The following CHCHD3 variants were observed in gnomAD, a reference collection of about 807,000 sequenced individuals.
The protein encoded by CHCHD3 is MICOS complex subunit MIC19.
A neutral mutation model predicts 38.2 loss-of-function variants in CHCHD3; 20 were observed. The observed-to-expected ratio is 0.52, with a 90% CI of 0.37 to 0.76. The LOEUF (loss-of-function observed/expected upper bound fraction) is 0.76. CHCHD3 is among the 30% of genes least tolerant of loss of function. The pLI is 0.00. For missense variants in CHCHD3, 245 were observed against 279.2 expected, an observed-to-expected ratio of 0.88 and a Z score of 0.87; for synonymous variants, 82 against 100.0, an observed-to-expected ratio of 0.82 and a Z score of 1.07.
At chr7:132,895,570 G>C (rs565121454) in intron 4 of CHCHD3, among the ~76,000 whole-genome samples, 1 of 152,338 alleles carries the variant, frequency 6.6e-6, no homozygotes, top group African/African-American at 2.4e-5. Context: ...TGTCATGCAC[G>C]GGACCCACTG....
chr7:132,964,557 A>G (rs1811408866), intron 4 of CHCHD3, among the ~76,000 whole-genome samples: 1 of 152,152 alleles, frequency 6.6e-6, no homozygotes. Context: ...ACTCCAGCCT[A>G]GACAACAGGG....
At chr7:133,021,943 C>T (rs1201471856) in intron 3 of CHCHD3, among the ~76,000 whole-genome samples, 2 of 151,820 alleles carry the variant, frequency 1.3e-5, no homozygotes, top group Non-Finnish European at 2.9e-5. Flanking sequence ...AAAAATCAGC[C>T]GGGTGTGGTG....
intron 3 of CHCHD3, among the ~76,000 whole-genome samples, chr7:133,006,233 A>G (rs1256315115): frequency 6.6e-6 from 1 of 152,162 alleles, no homozygotes; most frequent in Admixed American, 6.5e-5. Flanking sequence ...TGCAAGGCCA[A>G]GGCAGGCAGA....
At chr7:133,000,843 C>A (rs1437848101) in intron 3 of CHCHD3, among the ~76,000 whole-genome samples, 1 of 152,168 alleles carries the variant, frequency 6.6e-6, no homozygotes, top group African/African-American at 2.4e-5. Flanking sequence ...GAGCATATTT[C>A]TGTTTGGACC....
At chr7:132,796,606 C>T in intron 6 of CHCHD3, 29 bp from the exon 7 acceptor site, 1 of 1,601,906 alleles carries the variant, frequency 6.2e-7, no homozygotes, top group Non-Finnish European at 8.5e-7. Flanking sequence ...ACCGCTGAGA[C>T]CAATGGTCTT....
chr7:133,064,446 T>A (rs1180541277), intron 2 of CHCHD3, among the ~76,000 whole-genome samples: 2 of 152,210 alleles, frequency 1.3e-5, no homozygotes, highest in African/African-American at 4.8e-5. Context: ...AGATGTTCAG[T>A]TCTTGTAACT....
At chr7:132,975,468 C>T (rs1811739769) in intron 3 of CHCHD3, among the ~76,000 whole-genome samples, 182 bp from the exon 4 acceptor site, 1 of 152,180 alleles carries the variant, frequency 6.6e-6, no homozygotes, top group African/African-American at 2.4e-5. Flanking sequence ...AGCCTCCACT[C>T]AAGCATTTCA....
intron 6 of CHCHD3, among the ~76,000 whole-genome samples, chr7:132,812,285 T>C (rs1031746118): frequency 7.5e-6 from 1 of 132,664 alleles, no homozygotes; most frequent in Non-Finnish European, 1.5e-5. Flanking sequence ...CTCACCTCAC[T>C]GCAACCTCTG....
intron 4 of CHCHD3, among the ~76,000 whole-genome samples, chr7:132,942,794 G>A (rs1290177261): frequency 2.0e-5 from 3 of 152,142 alleles, no homozygotes; most frequent in African/African-American, 7.2e-5. Context: ...TGTTCATAAT[G>A]AAATGAAGAA....
intron 4 of CHCHD3, among the ~76,000 whole-genome samples, chr7:132,966,193 T>C (rs1422582369): frequency 1.3e-5 from 2 of 152,200 alleles, no homozygotes; most frequent in African/African-American, 4.8e-5. Context: ...AGATTCCTGC[T>C]CTTGAGAGAA....
At chr7:132,900,332 T>C (rs1226688719) in intron 4 of CHCHD3, among the ~76,000 whole-genome samples, 1 of 152,208 alleles carries the variant, frequency 6.6e-6, no homozygotes, top group African/African-American at 2.4e-5. Flanking sequence ...CCCAAGGTGA[T>C]GGAGGGAGAG....
chr7:132,823,404 G>A (rs1194002464), intron 6 of CHCHD3, among the ~76,000 whole-genome samples: 4 of 151,944 alleles, frequency 2.6e-5, no homozygotes, highest in African/African-American at 9.7e-5. Flanking sequence ...CTAACAACAA[G>A]AATAATAAAA....
At chr7:132,902,976 G>A (rs1412947309) in intron 4 of CHCHD3, among the ~76,000 whole-genome samples, 1 of 152,140 alleles carries the variant, frequency 6.6e-6, no homozygotes, top group African/African-American at 2.4e-5. Flanking sequence ...AAGGTACTCA[G>A]GAATAGACAT....
At chr7:133,034,696 T>C in intron 2 of CHCHD3, 1 of 1,612,882 alleles carries the variant, frequency 6.2e-7, no homozygotes, top group Non-Finnish European at 8.5e-7. Flanking sequence ...AGCGTCTGGG[T>C]CTCCTCTCTG....
intron 6 of CHCHD3, among the ~76,000 whole-genome samples, chr7:132,828,228 AC>A (rs1231448004): frequency 6.6e-6 from 1 of 152,080 alleles, no homozygotes; most frequent in Non-Finnish European, 1.5e-5. Flanking sequence ...GCCATTGTAT[AC>A]CCCCACCAGC....
chr7:132,844,305 C>T (rs1388346193), intron 5 of CHCHD3, among the ~76,000 whole-genome samples: 3 of 151,436 alleles, frequency 2.0e-5, no homozygotes, highest in Admixed American at 6.6e-5. Flanking sequence ...TCAAAAAAAA[C>T]AAAAAAATGT....
At chr7:132,899,633 A>G (rs1809614662) in intron 4 of CHCHD3, among the ~76,000 whole-genome samples, 1 of 152,188 alleles carries the variant, frequency 6.6e-6, no homozygotes, top group Admixed American at 6.5e-5. Flanking sequence ...GGCAGAGTAA[A>G]TCCGATTGAA....
At chr7:132,920,122 C>T (rs1328558122) in intron 4 of CHCHD3, among the ~76,000 whole-genome samples, 1 of 152,150 alleles carries the variant, frequency 6.6e-6, no homozygotes, top group African/African-American at 2.4e-5. Context: ...TAAATGAATA[C>T]ACAAAGAACA....
chr7:133,038,136 C>A (rs377614521), intron 2 of CHCHD3, among the ~76,000 whole-genome samples: 1 of 152,150 alleles, frequency 6.6e-6, no homozygotes, highest in Non-Finnish European at 1.5e-5. Flanking sequence ...GTAGGTAGCA[C>A]AGGCTCTAAG....
Sources: allele counts gnomAD v4.1 joint callset (sites outside exome capture counted in the v4.1 genomes callset), GRCh38; gene constraint gnomAD v4.1.1; transcripts MANE v1.5; gene names NCBI Gene and HGNC (gene_info 2026-07-23, HGNC 2026-07-21).